ETS1: variants seen among roughly 807,000 people sequenced by gnomAD.
ETS1 encodes ETS proto-oncogene 1, transcription factor.
In ETS1, 15 loss-of-function variants were observed where a neutral mutation model predicts 58.6. The observed-to-expected ratio is 0.26, with a 90% CI of 0.17 to 0.39. The LOEUF (loss-of-function observed/expected upper bound fraction) is 0.39. ETS1 is among the 10% of genes least tolerant of loss of function. The pLI is 1.00. For synonymous variants in ETS1, 214 were observed against 218.2 expected, an observed-to-expected ratio of 0.98 and a Z score of 0.17; for missense variants, 417 against 610.5, an observed-to-expected ratio of 0.68 and a Z score of 3.34.
intron 3 of ETS1, among the ~76,000 whole-genome samples, chr11:128,494,143 C>G (rs995129603): frequency 3.9e-5 from 6 of 152,176 alleles, no homozygotes; most frequent in Non-Finnish European, 8.8e-5. Context: ...CTCCTTTGTG[C>G]TAATAATTAC....
At chr11:128,582,364 T>C (rs1470491417) in intron 1 of ETS1, among the ~76,000 whole-genome samples, 5 of 152,148 alleles carry the variant, frequency 3.3e-5, no homozygotes, top group African/African-American at 1.2e-4. Flanking sequence ...AAAACACAAA[T>C]ACTTAGCAGC....
intron 2 of ETS1, among the ~76,000 whole-genome samples, chr11:128,569,336 T>TTTTTTTTTTTTTTTTTTTTTTTG: frequency 7.5e-6 from 1 of 132,752 alleles, no homozygotes; most frequent in African/African-American, 2.8e-5. Flanking sequence ...TTTTTTTTTT[T>TTTTTTTTTTTTTTTTTTTTTTTG]TTTTTTGGTG....
At chr11:128,500,470 G>A (rs1591621268) in intron 3 of ETS1, among the ~76,000 whole-genome samples, 1 of 151,802 alleles carries the variant, frequency 6.6e-6, no homozygotes, top group Non-Finnish European at 1.5e-5. Flanking sequence ...TGTTTGAGAT[G>A]AAAGCCAGTC....
intron 3 of ETS1, among the ~76,000 whole-genome samples, chr11:128,530,976 T>C (rs1222601972): frequency 1.3e-5 from 2 of 152,182 alleles, no homozygotes; most frequent in African/African-American, 4.8e-5. Context: ...TTGAATTGAA[T>C]TGAATTGAAC....
intron 1 of ETS1, among the ~76,000 whole-genome samples, chr11:128,574,313 T>G (rs1410875549): frequency 2.0e-5 from 3 of 152,232 alleles, no homozygotes; most frequent in South Asian, 4.1e-4. Flanking sequence ...CTTTGCCTTT[T>G]TCTTATGTCT....
At chr11:128,490,403 G>A in intron 4 of ETS1, 54 bp downstream of exon 4, 1 of 1,598,828 alleles carries the variant, frequency 6.3e-7, no homozygotes, top group Non-Finnish European at 8.6e-7. Flanking sequence ...GAGAAAATGT[G>A]TCTTCCCAAA....
chr11:128,482,574 C>T (rs550611777), intron 7 of ETS1, among the ~76,000 whole-genome samples: 4 of 152,280 alleles, frequency 2.6e-5, no homozygotes, highest in African/African-American at 9.6e-5. Flanking sequence ...GGCAACCCCC[C>T]AAACATGAGG....
intron 2 of ETS1, among the ~76,000 whole-genome samples, chr11:128,572,852 C>A (rs934119625): frequency 6.6e-6 from 1 of 152,192 alleles, no homozygotes; most frequent in Non-Finnish European, 1.5e-5. Context: ...ACTTCTTCAG[C>A]AAATCCATCA....
chr11:128,480,793 CAT>C (rs1469200339), intron 7 of ETS1, among the ~76,000 whole-genome samples: 1 of 152,116 alleles, frequency 6.6e-6, no homozygotes, highest in Non-Finnish European at 1.5e-5. Context: ...GAGGATCACA[CAT>C]GTTATGATAT....
In ETS1 at chr11:128,553,077, G is replaced by T. The variant is rs750929096; in HGVS notation, c.214+3214C>A. Reference sequence around the variant, plus strand: ...GCAACAGACATTTCAGCCGTGTCTTGTGTAAGAGGCTCCATTGATTCACAA... The same window carrying T: ...GCAACAGACATTTCAGCCGTGTCTTTTGTAAGAGGCTCCATTGATTCACAA... On this transcript the variant is annotated intron_variant, in intron 3 of 9. Coordinates refer to ENST00000392668, the MANE Select transcript of ETS1 (RefSeq NM_001143820.2). 8.4e-4 allele frequency among the ~76,000 whole-genome samples: 128 copies of T among 152,206 alleles called. 4 individuals are homozygous for T. The highest frequency in any genetic ancestry group is 2.6e-4 in the Non-Finnish European group (18 of 68,032).
At chr11:128,564,985 C>G (rs1864466564) in intron 2 of ETS1, among the ~76,000 whole-genome samples, 1 of 150,226 alleles carries the variant, frequency 6.7e-6, no homozygotes, top group Admixed American at 6.6e-5. Flanking sequence ...CATACAAATA[C>G]ATGAATGAAA....
In ETS1 at chr11:128,488,207, C is replaced by T. The variant is rs74588995; in HGVS notation, c.535+1083G>A. Among the ~76,000 whole-genome samples the T allele has an allele frequency of 7.0e-3, 1,071 of 152,264 alleles. 6 individuals carry two copies. The highest frequency in any genetic ancestry group is 0.024 in the African/African-American group (1,015 of 41,540). On this transcript the variant is annotated intron_variant, in intron 5 of 9. Transcript: ENST00000392668. ...GGGTGTCTGTGCATGGAGAACATGC[C>T]GGTGCTTTGCAACTGCCTGCCATCC...
chr11:128,486,902 T>G (rs933777023), intron 5 of ETS1, among the ~76,000 whole-genome samples: 2 of 152,192 alleles, frequency 1.3e-5, no homozygotes, highest in South Asian at 4.1e-4. Context: ...GATTCTTGTA[T>G]GGAGTAGTCT....
chr11:128,493,564 G>A (rs1218301590), intron 3 of ETS1, among the ~76,000 whole-genome samples: 1 of 152,204 alleles, frequency 6.6e-6, no homozygotes, highest in Non-Finnish European at 1.5e-5. Flanking sequence ...ATCCCAGCTG[G>A]GGGAAACCAT....
At chr11:128,585,027 GAAAGAAAA>G (rs1864960921) in intron 1 of ETS1, among the ~76,000 whole-genome samples, 2 of 8,154 alleles carry the variant, frequency 2.5e-4, no homozygotes, top group African/African-American at 7.4e-4. Flanking sequence ...AAAGAAGAAA[GAAAGAAAA>G]GAAAGAAAGA....
intron 3 of ETS1, chr11:128,536,794 G>A (rs919427158): frequency 1.2e-4 from 18 of 152,314 alleles, no homozygotes; most frequent in African/African-American, 3.4e-4. Context: ...CTGCAAATCA[G>A]ATCCCATAGA....
chr11:128,527,338 G>T (rs1863819287), intron 3 of ETS1: 1 of 176,946 alleles, frequency 5.7e-6, no homozygotes, highest in Non-Finnish European at 1.2e-5. Context: ...CTAATCCACA[G>T]ACCAAGCGAC....
intron 3 of ETS1, chr11:128,526,594 GAAC>G (rs1863806145): frequency 4.0e-6 from 1 of 249,882 alleles, no homozygotes; most frequent in South Asian, 3.9e-5. Context: ...GCGAGAGATA[GAAC>G]AACTATCACC....
chr11:128,515,929 C>T (rs1863511856), intron 3 of ETS1, among the ~76,000 whole-genome samples: 1 of 152,170 alleles, frequency 6.6e-6, no homozygotes, highest in Non-Finnish European at 1.5e-5. Flanking sequence ...GCAGTAGACA[C>T]TGGAAAGCAC....
Sources: gnomAD v4.1 joint callset for allele counts (sites outside exome capture counted in the v4.1 genomes callset) on GRCh38, gnomAD v4.1.1 for gene constraint, MANE v1.5 for transcripts, NCBI Gene and HGNC (gene_info 2026-07-23, HGNC 2026-07-21) for gene names.